Variants in SMTN observed in about 807,000 individuals in gnomAD.
SMTN encodes smoothelin.
A neutral mutation model predicts 102.0 loss-of-function variants in SMTN; 58 were observed. The ratio of observed to expected loss-of-function variants is 0.57; its 90% CI spans 0.46 to 0.71. The LOEUF is 0.71. Ranked by LOEUF, SMTN falls within the 30% of genes least tolerant of loss-of-function variation. SMTN has a pLI of 0.00. For missense variants in SMTN, 1,185 were observed against 1,241.7 expected, an observed-to-expected ratio of 0.95 and a Z score of 0.69; for synonymous variants, 478 against 497.9, an observed-to-expected ratio of 0.96 and a Z score of 0.53.
rs1171654912 is a variant in SMTN at position 31,071,993 on chromosome 22, G to C, written c.-386+7806G>C. ...TTACAGGCATAAGCCACCACACTTA[G>C]CCATATTGCCATCTCTTAATGAAGT... On this transcript the variant is annotated intron_variant, in intron 1 of 3. Coordinates refer to the SMTN transcript ENST00000422839. Among the ~76,000 whole-genome samples the C allele has an allele frequency of 4.6e-5, 7 of 152,104 alleles. No homozygotes were observed. The South Asian group carries it at 1.5e-3, about 32-fold the overall frequency.
chr22:31,098,491 G>A (rs2043780214), intron 16 of SMTN, among the ~76,000 whole-genome samples, 176 bp from the exon 17 acceptor site: 1 of 152,138 alleles, frequency 6.6e-6, no homozygotes, highest in South Asian at 2.1e-4. Flanking sequence ...TGTCATTTGA[G>A]ACTCAGTGTA....
Position 31,104,581 on chromosome 22 carries a change from C to G in SMTN, c.*286C>G, listed in dbSNP as rs573361959. On this transcript the variant is annotated 3_prime_UTR_variant, in exon 21 of 21. Coordinates refer to ENST00000333137, the MANE Select transcript of SMTN (RefSeq NM_134269.3). ...CTGTCTGTTGCGACACCCTCCCCCC[C>G]ACATACACACGCAGCGTTTTGATAA... 5.0e-6 allele frequency: 5 copies of G among 991,488 alleles called. No homozygotes were observed. The highest frequency in any genetic ancestry group is 2.5e-4 in the Middle Eastern group (1 of 3,978). 61.4% of individuals were successfully genotyped at this position (991,488 alleles called of 1,614,324 possible). A position where few individuals can be genotyped will look rare whatever the true frequency, so the allele number is the denominator to read the frequency against.
chr22:31,083,284 T>C lies in SMTN; in HGVS notation c.26T>C (p.Leu9Pro). 1.9e-6 allele frequency: 3 copies of C among 1,588,074 alleles called. No individual in the cohort carries two copies. Among genetic ancestry groups the C allele is most frequent in the Non-Finnish European group, 1.7e-6 (2 of 1,169,646 alleles). Residue 9 changes from leucine to proline, a missense_variant, in exon 2 of 21, where the codon CTG becomes CCG. Around this residue, in one of 2 missense-constraint regions of SMTN, gnomAD observed 1,096 missense variants for 1,112.7 expected, o/e 0.98. Coordinates refer to ENST00000333137, the MANE Select transcript of SMTN (RefSeq NM_134269.3). Reference protein sequence around the residue: MADEALAGLDEGALRKLLE... With the variant: MADEALAGPDEGALRKLLE... Reference sequence around the variant, plus strand: ...ATGGCGGACGAGGCCTTAGCTGGGCTGGATGAGGGAGCCCTTCGGAAGCTG... The same window carrying C: ...ATGGCGGACGAGGCCTTAGCTGGGCCGGATGAGGGAGCCCTTCGGAAGCTG...
intron 11 of SMTN, chr22:31,093,432 A>G: frequency 2.0e-6 from 1 of 500,596 alleles, no homozygotes; most frequent in Admixed American, 3.1e-5. Context: ...CCCCCCATAG[A>G]GTCCCCACCA....
intron 2 of SMTN, chr22:31,084,911 A>C (rs2042562633): frequency 2.3e-6 from 3 of 1,307,286 alleles, no homozygotes; most frequent in Non-Finnish European, 3.0e-6. Flanking sequence ...CGTGGCAAGA[A>C]CGGGGGCGTC....
intron 17 of SMTN, 42 bp from the exon 18 acceptor site, chr22:31,099,020 C>G (rs2043856693): frequency 6.3e-7 from 1 of 1,580,710 alleles, no homozygotes; most frequent in Admixed American, 1.7e-5. Flanking sequence ...CGAGGCATGC[C>G]CCTTATAGTC....
At chr22:31,066,239 A>G (rs2041846381) in intron 1 of SMTN, 1 of 152,130 alleles carries the variant, frequency 6.6e-6, no homozygotes, top group South Asian at 2.1e-4. Context: ...AGAAGTAGGG[A>G]TTGCCTTCCT....
At chr22:31,087,921 C>T (rs773273337) in intron 2 of SMTN, 44 bp from the exon 3 acceptor site, 33 of 1,534,446 alleles carry the variant, frequency 2.2e-5, no homozygotes, top group Admixed American at 7.8e-5. Context: ...GCCAGCCCTC[C>T]GCCCCTGGCA....
chr22:31,082,420 G>A (rs1024951709), intron 1 of SMTN: 5 of 438,900 alleles, frequency 1.1e-5, no homozygotes, highest in Admixed American at 1.0e-4. Flanking sequence ...GGAAGCCGGA[G>A]ATGACGAAGA....
intron 19 of SMTN, among the ~76,000 whole-genome samples, chr22:31,100,256 C>T (rs1012646828): frequency 5.3e-5 from 8 of 152,206 alleles, no homozygotes; most frequent in Middle Eastern, 3.4e-3. Flanking sequence ...CACGGGATCC[C>T]GGCTGGAGAT....
chr22:31,067,220 G>C (rs932698528), intron 1 of SMTN: 3 of 151,648 alleles, frequency 2.0e-5, no homozygotes, highest in Admixed American at 1.3e-4. Flanking sequence ...GGGACTACAG[G>C]CACACACCAC....
intron 11 of SMTN, among the ~76,000 whole-genome samples, chr22:31,093,205 C>T (rs916495386): frequency 6.6e-6 from 1 of 152,264 alleles, no homozygotes. Flanking sequence ...CCAGGCCTGG[C>T]GATCCGCCTG....
chr22:31,089,544 G>A, intron 6 of SMTN, 155 bp from the exon 7 acceptor site: 2 of 674,024 alleles, frequency 3.0e-6, no homozygotes, highest in South Asian at 3.5e-5. Flanking sequence ...TAGCATGCCA[G>A]TGCCAGTGCT....
Position 31,095,683 on chromosome 22 carries a change from ATTTG to A in SMTN, c.1861+76_1861+79del. 2 of 1,331,302 alleles carry A rather than the reference ATTTG, an allele frequency of 1.5e-6. No homozygotes were observed. The highest frequency in any genetic ancestry group is 2.1e-6 in the Non-Finnish European group (2 of 954,478). 82.5% of individuals were successfully genotyped at this position (1,331,302 alleles called of 1,614,324 possible). On this transcript the variant is annotated intron_variant, in intron 13 of 20. Coordinates refer to ENST00000333137, the MANE Select transcript of SMTN (RefSeq NM_134269.3). This position sits in a 1 kb window ranked among gnomAD's most constrained non-coding sequence, Gnocchi z 4.1. ...CTGCTCCCCTCATACTCTGGGGTCC[ATTTG>A]TGGACACCCCAGCTTAATAACTGCC... is the stretch of plus-strand genomic sequence containing the variant.
rs559720481 is a variant in SMTN, at chr22:31,069,577, G to A, written c.-386+5390G>A. The stretch of plus-strand genomic sequence containing the variant: ...CTGGGTGCGGTGGGGCTTGGTGAAC[G>A]CCTAGAGGTAGGGACGAGGGAGAGA... On this transcript the variant is annotated intron_variant, in intron 1 of 3. Coordinates refer to the SMTN transcript ENST00000422839. Among the ~76,000 whole-genome samples the A allele has an allele frequency of 8.4e-4, 128 of 152,304 alleles. 2 individuals are homozygous for A. In the South Asian group the frequency reaches 0.022, roughly 26 times the overall value.
At chr22:31,073,255 ACACG>A (rs1033932865) in intron 1 of SMTN, among the ~76,000 whole-genome samples, 13 of 151,870 alleles carry the variant, frequency 8.6e-5, no homozygotes, top group African/African-American at 3.1e-4. Context: ...ACACACATAC[ACACG>A]CACGCACGCA....
At chr22:31,101,310 C>A in intron 20 of SMTN, 1 of 423,198 alleles carries the variant, frequency 2.4e-6, no homozygotes, top group Non-Finnish European at 4.3e-6. Context: ...TCTGGGCCCC[C>A]CATCTGAAAA....
chr22:31,100,095 C>CGAA (rs2043951509), intron 19 of SMTN, among the ~76,000 whole-genome samples, 199 bp downstream of exon 19: 2 of 151,294 alleles, frequency 1.3e-5, no homozygotes, highest in African/African-American at 4.9e-5. Flanking sequence ...CCCGCCGGAA[C>CGAA]GAAGGAGCCG....
At position 31,104,341 on chromosome 22, in the gene SMTN, G is replaced by A. The variant is rs753055278; in HGVS notation, c.*46G>A. 3 of 1,614,080 alleles carry A rather than the reference G, an allele frequency of 1.9e-6. No homozygotes were observed. The highest frequency in any genetic ancestry group is 2.7e-5 in the African/African-American group (2 of 74,934). ...GATGCTGGTGGACTGTGTGCCCCTG[G>A]TGGAGGTGGACGACATGATGATCAT... On this transcript the variant is annotated 3_prime_UTR_variant, in exon 21 of 21. Coordinates refer to ENST00000333137, the MANE Select transcript of SMTN (RefSeq NM_134269.3).
Sources: allele counts gnomAD v4.1 joint callset (sites outside exome capture counted in the v4.1 genomes callset), GRCh38; gene constraint gnomAD v4.1.1; regional missense constraint gnomAD v4.1.1; non-coding constraint Gnocchi (gnomAD v3.1); transcripts MANE v1.5; gene names NCBI Gene and HGNC (gene_info 2026-07-23, HGNC 2026-07-21).